The following DPRX variants were observed in gnomAD, a reference collection of about 807,000 sequenced individuals.
DPRX encodes divergent-paired related homeobox.
DPRX carries 11 observed loss-of-function variants against 8.4 expected under a neutral mutation model. That is an observed-to-expected ratio of 1.31 (90% confidence interval 0.82 to 2.17). The LOEUF is 2.17. DPRX is among the 30% of genes most tolerant of loss of function. The pLI, the probability that DPRX is intolerant of heterozygous loss-of-function variation, is 0.00. For synonymous variants in DPRX, 72 were observed against 87.0 expected (o/e 0.83, Z 0.96); for missense variants, 211 against 236.7 (o/e 0.89, Z 0.71).
At chr19:53,617,921 C>CTT in the DPRX span, among the ~76,000 whole-genome samples, 157 of 151,928 alleles carry the variant, frequency 1.0e-3, no homozygotes, top group Non-Finnish European at 2.0e-3. Context: ...GGGCAGATCA[C>CTT]GAGGTCAGGA....
At chr19:53,632,498 CG>C (rs750784982) in intron 1 of DPRX, among the ~76,000 whole-genome samples, 2 of 151,368 alleles carry the variant, frequency 1.3e-5, no homozygotes, top group South Asian at 4.2e-4. Flanking sequence ...TTAGTAGAGC[CG>C]GGGGTTTCAC....
rs941317133 is a variant in DPRX at position 53,634,432 on chromosome 19, C to T, written c.29-99C>T. On this transcript the variant is annotated intron_variant, in intron 1 of 2. Transcript: ENST00000376650. ...GGTGACAGAACCTCAGTCACTTGAT[C>T]ATCACGTTGTACCTCAGTGGAAAGG... The T allele has an allele frequency of 1.1e-5, 16 of 1,437,966 alleles. No individual in the cohort carries two copies. In the African/African-American group the frequency reaches 2.1e-4, roughly 19 times the overall value. 89.1% of individuals were successfully genotyped at this position (1,437,966 alleles called of 1,614,324 possible).
the DPRX span, chr19:53,608,554 C>G: frequency 2.0e-5 from 3 of 152,410 alleles, no homozygotes; most frequent in Non-Finnish European, 4.4e-5. Flanking sequence ...CTAAAGGGTG[C>G]AGGGTTTCCC....
chr19:53,626,971 G>A, the DPRX span, among the ~76,000 whole-genome samples: 27 of 152,142 alleles, frequency 1.8e-4, no homozygotes, highest in African/African-American at 6.3e-4. Flanking sequence ...CAAAGTGCTG[G>A]GGTTGACTGC....
the DPRX span, among the ~76,000 whole-genome samples, chr19:53,616,158 A>G: frequency 2.0e-5 from 3 of 151,926 alleles, no homozygotes; most frequent in African/African-American, 7.2e-5. Flanking sequence ...AGGCTGAGGC[A>G]GGAGAATCGC....
chr19:53,636,261 G>C (rs1299019302), intron 2 of DPRX, among the ~76,000 whole-genome samples: 1 of 151,972 alleles, frequency 6.6e-6, no homozygotes, highest in Non-Finnish European at 1.5e-5. Flanking sequence ...CGCTACTCAG[G>C]AGGCTGAGGC....
the DPRX span, among the ~76,000 whole-genome samples, chr19:53,625,166 C>T: frequency 6.6e-6 from 1 of 151,692 alleles, no homozygotes; most frequent in Admixed American, 6.6e-5. Context: ...ATCCTCCTGC[C>T]TTAGCCTCTG....
intron 1 of DPRX, among the ~76,000 whole-genome samples, chr19:53,632,426 G>A (rs762990737): frequency 2.6e-5 from 4 of 151,656 alleles, no homozygotes; most frequent in Non-Finnish European, 5.9e-5. Context: ...TCAGCCTCCC[G>A]AGTAGCTGGG....
intron 2 of DPRX, among the ~76,000 whole-genome samples, chr19:53,635,484 G>T (rs1214977929): frequency 1.3e-5 from 2 of 152,074 alleles, no homozygotes. Flanking sequence ...GGGACTACAG[G>T]TGTGTGGTAC....
chr19:53,617,390 C>T, the DPRX span: 4 of 431,360 alleles, frequency 9.3e-6, no homozygotes, highest in African/African-American at 6.1e-5. Context: ...AAAACCCCAT[C>T]CCTACTACAA....
upstream of DPRX, among the ~76,000 whole-genome samples, chr19:53,627,353 A>G (rs967276431): frequency 6.6e-6 from 1 of 151,826 alleles, no homozygotes; most frequent in South Asian, 2.1e-4. Context: ...CTTAATTAAT[A>G]TACTGAGGCC....
the DPRX span, among the ~76,000 whole-genome samples, chr19:53,623,349 C>T: frequency 1.9e-5 from 2 of 108,072 alleles, no homozygotes. Flanking sequence ...AAATAAAAGG[C>T]CATTCCTGGC....
the DPRX span, chr19:53,601,492 T>A: frequency 2.4e-5 from 9 of 369,632 alleles, no homozygotes; most frequent in Non-Finnish European, 3.2e-5. Context: ...TCTTTTTTTT[T>A]TTTTTTTGAG....
the DPRX span, among the ~76,000 whole-genome samples, chr19:53,620,313 C>T: frequency 3.9e-5 from 6 of 151,910 alleles, no homozygotes; most frequent in South Asian, 4.2e-4. Flanking sequence ...TCATGATCCG[C>T]CCACCTTGGC....
chr19:53,624,062 T>C, the DPRX span, among the ~76,000 whole-genome samples: 1 of 148,862 alleles, frequency 6.7e-6, no homozygotes. Flanking sequence ...TTCATATTAA[T>C]GCACTGATTG....
chr19:53,607,944 G>A, the DPRX span, among the ~76,000 whole-genome samples: 1 of 151,560 alleles, frequency 6.6e-6, no homozygotes, highest in Non-Finnish European at 1.5e-5. Context: ...AGTCAGAGGT[G>A]GACAGATCAA....
intron 1 of DPRX, among the ~76,000 whole-genome samples, chr19:53,632,407 TCTC>T (rs1441497946): frequency 9.2e-5 from 14 of 151,932 alleles, no homozygotes; most frequent in African/African-American, 3.4e-4. Context: ...TTCAAGCAAT[TCTC>T]CTGCCTCAGC....
At chr19:53,618,080 TGCAGTGA>T in the DPRX span, among the ~76,000 whole-genome samples, 2 of 150,230 alleles carry the variant, frequency 1.3e-5, no homozygotes, top group African/African-American at 2.5e-5. Context: ...AGGCGGAGGC[TGCAGTGA>T]GCCTAGATCG....
chr19:53,616,663 A>G, the DPRX span: 1 of 660,316 alleles, frequency 1.5e-6, no homozygotes, highest in Non-Finnish European at 2.5e-6. Context: ...CTGAGGCGGG[A>G]GAATCCCTTG....
Sources: gnomAD v4.1 joint callset for allele counts (sites outside exome capture counted in the v4.1 genomes callset) on GRCh38, gnomAD v4.1.1 for gene constraint, MANE v1.5 for transcripts, NCBI Gene and HGNC (gene_info 2026-07-23, HGNC 2026-07-21) for gene names.